TMEM132C: variants seen among roughly 807,000 people sequenced by gnomAD.
TMEM132C encodes the protein protein phosphatase 1, regulatory subunit 152.
TMEM132C carries 29 observed loss-of-function variants against 61.4 expected under a neutral mutation model. The ratio of observed to expected loss-of-function variants is 0.47; its 90% CI spans 0.35 to 0.64. TMEM132C has a LOEUF of 0.64. Ranked by LOEUF, TMEM132C falls within the 30% of genes least tolerant of loss-of-function variation. The pLI, the probability that TMEM132C is intolerant of heterozygous loss-of-function variation, is 0.00. For synonymous variants in TMEM132C, 656 were observed against 633.1 expected (o/e 1.04, Z -0.54); for missense variants, 1,408 against 1,476.9 (o/e 0.95, Z 0.76).
chr12:128,629,113 T>C (rs972115848), intron 4 of TMEM132C, among the ~76,000 whole-genome samples: 1 of 152,230 alleles, frequency 6.6e-6, no homozygotes, highest in Non-Finnish European at 1.5e-5. Flanking sequence ...ACAAACATCA[T>C]GCACACTGGG....
At chr12:128,643,071 A>G (rs181766027) in intron 4 of TMEM132C, among the ~76,000 whole-genome samples, 127 of 152,248 alleles carry the variant, frequency 8.3e-4, no homozygotes, top group Admixed American at 1.9e-3. Context: ...CAGAAAAACC[A>G]TGGCGTCGAC....
At chr12:128,590,041 A>G (rs1416012642) in intron 3 of TMEM132C, among the ~76,000 whole-genome samples, 1 of 152,216 alleles carries the variant, frequency 6.6e-6, no homozygotes, top group Non-Finnish European at 1.5e-5. Context: ...GAACCATTAT[A>G]ACCCAAAAAG....
In TMEM132C at chr12:128,705,383, C is replaced by T. The variant is rs1401150067; in HGVS notation, c.2415C>T (p.Asp805=). 13 of 1,551,334 alleles carry T rather than the reference C, an allele frequency of 8.4e-6. No homozygotes were observed. In the East Asian group the frequency reaches 2.7e-4, roughly 32 times the overall value. Residue 805 remains aspartate (D), a synonymous_variant, in exon 9 of 9, where the codon GAC becomes GAT. Transcript: ENST00000435159. ...TCAAGTTCGGACAGAACGATGCTGA[C>T]TCCAGCCCCGGCGGGGACTATGAGG... ...VRVKFGQNDA[D]SSPGGDYEED...
intron 1 of TMEM132C, chr12:128,288,918 T>G (rs1384355969): frequency 6.6e-6 from 1 of 152,250 alleles, no homozygotes; most frequent in Non-Finnish European, 1.5e-5. Flanking sequence ...CCGGAGAAGA[T>G]GCTTAGACAT....
At chr12:128,287,944 C>G (rs990254361) in intron 1 of TMEM132C, among the ~76,000 whole-genome samples, 1 of 151,972 alleles carries the variant, frequency 6.6e-6, no homozygotes, top group Non-Finnish European at 1.5e-5. Context: ...GCATTCATTT[C>G]GAATTGATCT....
intron 3 of TMEM132C, among the ~76,000 whole-genome samples, chr12:128,592,062 A>AG (rs1369328390): frequency 2.0e-5 from 3 of 150,902 alleles, no homozygotes; most frequent in East Asian, 1.9e-4. Context: ...AAAAAAAGAA[A>AG]AAAAAAAAAA....
intron 2 of TMEM132C, among the ~76,000 whole-genome samples, chr12:128,524,695 G>T (rs35005005): frequency 6.6e-6 from 1 of 152,142 alleles, no homozygotes; most frequent in Non-Finnish European, 1.5e-5. Context: ...CTTTGGGATC[G>T]ATGGGTTTCT....
intron 4 of TMEM132C, among the ~76,000 whole-genome samples, chr12:128,624,543 CAAAA>C (rs752979852): frequency 9.1e-5 from 3 of 32,896 alleles, no homozygotes; most frequent in Non-Finnish European, 1.3e-4. Flanking sequence ...GACTCCATCT[CAAAA>C]AAAAAAAAAA....
chr12:128,704,249 AT>A (rs1446728214), intron 8 of TMEM132C, among the ~76,000 whole-genome samples: 1 of 151,786 alleles, frequency 6.6e-6, no homozygotes, highest in East Asian at 1.9e-4. Context: ...CATAAAGTCA[AT>A]TTTTTTTTAC....
At chr12:128,478,009 T>C (rs1234101691) in intron 2 of TMEM132C, among the ~76,000 whole-genome samples, 1 of 152,220 alleles carries the variant, frequency 6.6e-6, no homozygotes, top group African/African-American at 2.4e-5. Flanking sequence ...GACAAAGGCA[T>C]TTTCTCACTA....
At chr12:128,449,059 C>G (rs534672790) in intron 2 of TMEM132C, among the ~76,000 whole-genome samples, 62 of 149,116 alleles carry the variant, frequency 4.2e-4, no homozygotes, top group African/African-American at 1.5e-3. Flanking sequence ...ACGGCGTGAA[C>G]CCGGGAGGCA....
chr12:128,443,143 A>C (rs970519804), intron 2 of TMEM132C, among the ~76,000 whole-genome samples: 1 of 149,318 alleles, frequency 6.7e-6, no homozygotes, highest in Non-Finnish European at 1.5e-5. Context: ...ATATATATTG[A>C]GAGAGAGAGA....
At chr12:128,383,486 G>A (rs1874481056) in intron 1 of TMEM132C, among the ~76,000 whole-genome samples, 1 of 152,166 alleles carries the variant, frequency 6.6e-6, no homozygotes, top group Admixed American at 6.5e-5. Context: ...CTCAGGCTCT[G>A]GCATCCGACT....
At position 128,311,023 on chromosome 12, in the gene TMEM132C, TA is replaced by T. The variant is rs199652909; in HGVS notation, c.85+43542del. On this transcript the variant is annotated intron_variant, in intron 1 of 8. Transcript: ENST00000435159. ...TATGTATATCTATCATCTATCAATA[TA>T]AAAAATAAATGAAAAAATTAAAAAT... Among the ~76,000 whole-genome samples, 844 of 152,278 alleles carry T rather than the reference TA, an allele frequency of 5.5e-3. 5 individuals are homozygous for T. Among genetic ancestry groups the T allele is most frequent in the African/African-American group, 0.019 (798 of 41,556 alleles).
chr12:128,540,646 G>T (rs1474049763), intron 2 of TMEM132C, among the ~76,000 whole-genome samples: 4 of 152,148 alleles, frequency 2.6e-5, no homozygotes, highest in Non-Finnish European at 5.9e-5. Flanking sequence ...GCCTGTTTCA[G>T]TCTTTCTGCG....
intron 2 of TMEM132C, among the ~76,000 whole-genome samples, chr12:128,443,697 C>A (rs1188063063): frequency 2.0e-5 from 3 of 152,152 alleles, no homozygotes; most frequent in Non-Finnish European, 4.4e-5. Context: ...CAGCCTCCAT[C>A]TGCAGCCTCG....
intron 4 of TMEM132C, among the ~76,000 whole-genome samples, chr12:128,633,058 G>T (rs1954075726): frequency 6.6e-6 from 1 of 152,158 alleles, no homozygotes; most frequent in Non-Finnish European, 1.5e-5. Context: ...TTCATGAGTT[G>T]CAGGTATGAG....
intron 4 of TMEM132C, among the ~76,000 whole-genome samples, chr12:128,640,338 G>A (rs1399112100): frequency 1.3e-5 from 2 of 152,174 alleles, no homozygotes; most frequent in African/African-American, 4.8e-5. Flanking sequence ...GCATGGATGA[G>A]ACTTGAAAAC....
At chr12:128,651,668 G>A (rs1954271575) in intron 4 of TMEM132C, among the ~76,000 whole-genome samples, 1 of 152,122 alleles carries the variant, frequency 6.6e-6, no homozygotes, top group Non-Finnish European at 1.5e-5. Context: ...ATAAAACAAT[G>A]TCTCCTAGGT....
Sources: allele counts gnomAD v4.1 joint callset (sites outside exome capture counted in the v4.1 genomes callset), GRCh38; gene constraint gnomAD v4.1.1; transcripts MANE v1.5; gene names NCBI Gene and HGNC (gene_info 2026-07-23, HGNC 2026-07-21).